ABCA13: variants seen among roughly 807,000 people sequenced by gnomAD.
ABCA13 encodes the protein ATP binding cassette subfamily A member 13.
In ABCA13, 476 loss-of-function variants were observed where a neutral mutation model predicts 478.7. That is an observed-to-expected ratio of 0.99 (90% confidence interval 0.92 to 1.07). ABCA13 has a LOEUF of 1.07. Ranked by LOEUF, ABCA13 falls within the 50% of genes least tolerant of loss-of-function variation. The pLI, the probability that ABCA13 is intolerant of heterozygous loss-of-function variation, is 0.00. For missense variants in ABCA13, 6,060 were observed against 5,910.6 expected, an observed-to-expected ratio of 1.03 and a Z score of -0.83; for synonymous variants, 2,252 against 2,158.9, an observed-to-expected ratio of 1.04 and a Z score of -1.20.
intron 2 of ABCA13, 73 bp from the exon 3 acceptor site, chr7:48,198,164 A>G (rs763898158): frequency 1.7e-5 from 24 of 1,441,262 alleles, no homozygotes; most frequent in Non-Finnish European, 2.2e-5. Context: ...ATATATTACA[A>G]TTTCAACTCA....
intron 15 of ABCA13, among the ~76,000 whole-genome samples, chr7:48,254,252 TG>T (rs1028984830): frequency 3.3e-4 from 50 of 152,206 alleles, no homozygotes; most frequent in Admixed American, 7.9e-4. Flanking sequence ...CAATTCCTAT[TG>T]TTTTTTTATA....
intron 55 of ABCA13, among the ~76,000 whole-genome samples, chr7:48,531,082 G>GT (rs563063432): frequency 6.6e-6 from 1 of 152,066 alleles, no homozygotes; most frequent in Non-Finnish European, 1.5e-5. Context: ...GTTTAGAGGG[G>GT]TTTTTCCGAT....
intron 31 of ABCA13, among the ~76,000 whole-genome samples, chr7:48,356,090 A>G (rs141067612): frequency 1.3e-5 from 2 of 152,102 alleles, no homozygotes; most frequent in Admixed American, 1.3e-4. Context: ...GGCAGGAGGA[A>G]AACCTACAGA....
intron 55 of ABCA13, among the ~76,000 whole-genome samples, chr7:48,566,840 C>T (rs774403806): frequency 1.3e-5 from 2 of 152,132 alleles, no homozygotes; most frequent in Non-Finnish European, 2.9e-5. Context: ...CATGGGAAAT[C>T]ACAGTACAGT....
At position 48,229,836 on chromosome 7, in the gene ABCA13, C is replaced by T; in HGVS notation, c.644C>T (p.Ser215Phe). The T allele has an allele frequency of 6.2e-7, 1 of 1,613,936 alleles. No individual in the cohort carries two copies. The highest frequency in any genetic ancestry group is 8.5e-7 in the Non-Finnish European group (1 of 1,179,864). Residue 215 changes from serine (S) to phenylalanine (F), a missense_variant, in exon 7 of 62, where the codon TCC (serine) becomes TTC (phenylalanine). Around this residue, in one of 3 missense-constraint regions of ABCA13, gnomAD observed 4,423 missense variants for 4,309.1 expected, o/e 1.03. Coordinates refer to ENST00000435803, the MANE Select transcript of ABCA13 (RefSeq NM_152701.5). ...LLQTILNSLISLEDLDWLPLN... is the reference protein window; with the variant it reads ...LLQTILNSLIFLEDLDWLPLN... The stretch of plus-strand genomic sequence containing the variant: ...TGTTTTGGTTCTAGTTCCTTAATAT[C>T]CCTAGAAGATTTAGATTGGCTTCCA...
chr7:48,643,240 T>C (rs754467350), intron 59 of ABCA13, 48 bp from the exon 60 acceptor site: 2 of 1,268,842 alleles, frequency 1.6e-6, no homozygotes, highest in Non-Finnish European at 1.1e-6. Context: ...TTTACTCATC[T>C]TAGGTCAATA....
chr7:48,277,566 C>T (rs1428014535), intron 17 of ABCA13, among the ~76,000 whole-genome samples: 2 of 152,158 alleles, frequency 1.3e-5, no homozygotes, highest in South Asian at 4.1e-4. Context: ...GCTATAACTC[C>T]CATCTATCCT....
chr7:48,380,439 T>C (rs1439011981), intron 35 of ABCA13, among the ~76,000 whole-genome samples: 1 of 152,232 alleles, frequency 6.6e-6, no homozygotes, highest in Non-Finnish European at 1.5e-5. Flanking sequence ...CAATTTCTGC[T>C]TTAAAAAATA....
At position 48,352,199 on chromosome 7, in the gene ABCA13, C is replaced by T. The variant is rs763985029; in HGVS notation, c.10400C>T (p.Ser3467Phe). Residue 3467 changes from serine (S) to phenylalanine (F), a missense_variant, in exon 31 of 62, where the codon TCC becomes TTC. Ser to Phe is a radical substitution (Grantham distance 155, BLOSUM62 -2). Transcript: ENST00000435803. Reference protein sequence around the residue: ...SFLASIIFSNSLFDKNFRSES... With the variant: ...SFLASIIFSNFLFDKNFRSES... ...CCACTAGGTATCATTTTCAGCAATTCCTTATTCGACAAGAACTTCAGATCA... is the reference window on the plus strand; with the variant it reads ...CCACTAGGTATCATTTTCAGCAATTTCTTATTCGACAAGAACTTCAGATCA... 31 of 1,605,598 alleles carry T rather than the reference C, an allele frequency of 1.9e-5. No homozygotes were observed. The South Asian group carries it at 2.9e-4, about 15-fold the overall frequency.
At chr7:48,513,701 A>T (rs1831886664) in intron 51 of ABCA13, among the ~76,000 whole-genome samples, 1 of 152,204 alleles carries the variant, frequency 6.6e-6, no homozygotes, top group South Asian at 2.1e-4. Context: ...ATATTTTAAT[A>T]AAAGCCTGGA....
chr7:48,572,682 A>G (rs997717466), intron 55 of ABCA13, among the ~76,000 whole-genome samples: 2 of 152,152 alleles, frequency 1.3e-5, no homozygotes, highest in African/African-American at 4.8e-5. Context: ...TGATTATTAT[A>G]TGAAATTATC....
At chr7:48,453,739 A>T (rs1825323544) in intron 42 of ABCA13, among the ~76,000 whole-genome samples, 1 of 151,888 alleles carries the variant, frequency 6.6e-6, no homozygotes, top group African/African-American at 2.4e-5. Flanking sequence ...CATCCCAAGG[A>T]CTCACTCCTT....
intron 35 of ABCA13, among the ~76,000 whole-genome samples, chr7:48,377,305 G>C (rs1199194257): frequency 6.6e-6 from 1 of 151,956 alleles, no homozygotes; most frequent in Non-Finnish European, 1.5e-5. Flanking sequence ...AGCAGAAATA[G>C]CACTTTAAAA....
At chr7:48,294,785 A>G (rs959651895) in intron 20 of ABCA13, among the ~76,000 whole-genome samples, 3 of 152,182 alleles carry the variant, frequency 2.0e-5, no homozygotes, top group African/African-American at 7.2e-5. Flanking sequence ...TTGACTCTAC[A>G]TGTAAATGAG....
intron 1 of ABCA13, among the ~76,000 whole-genome samples, chr7:48,182,841 G>GT (rs1414126343): frequency 6.6e-6 from 1 of 152,184 alleles, no homozygotes. Context: ...TATAGTTGCT[G>GT]TTTGGCATTT....
chr7:48,628,149 C>T (rs540539084), intron 59 of ABCA13, among the ~76,000 whole-genome samples: 33 of 152,268 alleles, frequency 2.2e-4, no homozygotes, highest in Middle Eastern at 3.4e-3. Flanking sequence ...TCCTTCAGTT[C>T]TCTGCTCTAC....
chr7:48,545,447 C>T (rs1244417938), intron 55 of ABCA13, among the ~76,000 whole-genome samples: 1 of 151,668 alleles, frequency 6.6e-6, no homozygotes, highest in Non-Finnish European at 1.5e-5. Flanking sequence ...AACCACAACT[C>T]CCCCTACCCA....
chr7:48,458,051 A>G (rs1825858803), intron 43 of ABCA13, among the ~76,000 whole-genome samples: 1 of 152,150 alleles, frequency 6.6e-6, no homozygotes, highest in South Asian at 2.1e-4. Flanking sequence ...GACATTCATT[A>G]CTTTTCTTCT....
intron 55 of ABCA13, among the ~76,000 whole-genome samples, chr7:48,548,638 C>T (rs757700932): frequency 2.0e-5 from 3 of 151,236 alleles, no homozygotes; most frequent in Non-Finnish European, 4.4e-5. Context: ...GTTCACATGT[C>T]GACTTCCAAT....
Sources: gnomAD v4.1 joint callset for allele counts (sites outside exome capture counted in the v4.1 genomes callset) on GRCh38, gnomAD v4.1.1 for gene constraint, gnomAD v4.1.1 regional missense constraint, MANE v1.5 for transcripts, NCBI Gene and HGNC (gene_info 2026-07-23, HGNC 2026-07-21) for gene names.